The following THRB variants were observed in gnomAD, a reference collection of about 807,000 sequenced individuals.
The protein encoded by THRB is thyroid hormone receptor beta, also known as nuclear receptor subfamily 1 group A member 2.
THRB carries 12 observed loss-of-function variants against 47.8 expected under a neutral mutation model. The ratio of observed to expected loss-of-function variants is 0.25; its 90% CI spans 0.16 to 0.41. The LOEUF (loss-of-function observed/expected upper bound fraction) is 0.41. Among genes scored for constraint, THRB ranks in the 10% least tolerant of loss-of-function variants. The pLI is 1.00. For missense variants in THRB, 348 were observed against 589.2 expected (o/e 0.59, Z 4.24); for synonymous variants, 218 against 212.2 (o/e 1.03, Z -0.24).
intron 5 of THRB, among the ~76,000 whole-genome samples, chr3:24,173,140 C>CGGG (rs781091868): frequency 6.6e-6 from 1 of 152,116 alleles, no homozygotes. Context: ...ATCGTAAACT[C>CGGG]TGGGGGGTGG....
At chr3:24,146,896 C>T in intron 6 of THRB, 74 bp from the exon 7 acceptor site, 1 of 1,407,556 alleles carries the variant, frequency 7.1e-7, no homozygotes, top group South Asian at 1.2e-5. Flanking sequence ...ATTTTGTGTC[C>T]ATATAACTAT....
chr3:24,192,543 C>T (rs1248849895), intron 4 of THRB, among the ~76,000 whole-genome samples: 1 of 152,112 alleles, frequency 6.6e-6, no homozygotes, highest in East Asian at 1.9e-4. Flanking sequence ...CTTGACCCCA[C>T]AGAAATTAAG....
At chr3:24,433,386 T>C (rs183542011) in intron 1 of THRB, among the ~76,000 whole-genome samples, 1 of 152,216 alleles carries the variant, frequency 6.6e-6, no homozygotes, top group Non-Finnish European at 1.5e-5. Context: ...GATTATGTGA[T>C]GATGGAAGCA....
At chr3:24,229,118 A>C in intron 3 of THRB, 117 bp from the exon 4 acceptor site, 2 of 694,974 alleles carry the variant, frequency 2.9e-6, no homozygotes, top group Non-Finnish European at 5.2e-6. Context: ...GTTACTCTCA[A>C]CTCAGAACTG....
In THRB at chr3:24,423,034, C is replaced by T. The variant is rs543843007; in HGVS notation, c.-261+71618G>A. ...GGCTGACTAACCTAAAACCACCAAGCTGTGAGAAAGCCAAAACTAGCTACG... is the reference window on the plus strand; with the variant it reads ...GGCTGACTAACCTAAAACCACCAAGTTGTGAGAAAGCCAAAACTAGCTACG... On this transcript the variant is annotated intron_variant, in intron 1 of 10. Coordinates refer to ENST00000646209, the MANE Select transcript of THRB (RefSeq NM_001354712.2). Among the ~76,000 whole-genome samples, 19 of 151,960 alleles carry T rather than the reference C, an allele frequency of 1.3e-4. No homozygotes were observed. The South Asian group carries it at 3.7e-3, about 30-fold the overall frequency.
intron 4 of THRB, among the ~76,000 whole-genome samples, chr3:24,198,509 A>G (rs971272611): frequency 1.6e-5 from 2 of 125,136 alleles, no homozygotes; most frequent in African/African-American, 6.2e-5. Flanking sequence ...CAAATCCACA[A>G]TTCTCAACTG....
intron 1 of THRB, among the ~76,000 whole-genome samples, chr3:24,365,648 G>GA (rs2064406236): frequency 6.6e-6 from 1 of 152,094 alleles, no homozygotes; most frequent in South Asian, 2.1e-4. Flanking sequence ...TTATCAGCTG[G>GA]AAAAAATTAA....
intron 1 of THRB, among the ~76,000 whole-genome samples, chr3:24,482,013 CAG>C (rs1696510917): frequency 6.6e-6 from 1 of 151,778 alleles, no homozygotes; most frequent in African/African-American, 2.4e-5. Flanking sequence ...ATCTATAAAA[CAG>C]AGATTGTTAT....
chr3:24,454,445 C>T (rs62228827), intron 1 of THRB, among the ~76,000 whole-genome samples: 6,499 of 152,218 alleles, frequency 0.043, 181 homozygotes, highest in South Asian at 0.06. Flanking sequence ...GTGGTGATAG[C>T]TGCAAACTGA....
intron 5 of THRB, among the ~76,000 whole-genome samples, chr3:24,166,136 G>GTTTTTT: frequency 6.6e-6 from 1 of 152,198 alleles, no homozygotes; most frequent in Non-Finnish European, 1.5e-5. Flanking sequence ...ATGTCTGCAA[G>GTTTTTT]TGAGTTTTAT....
intron 4 of THRB, among the ~76,000 whole-genome samples, chr3:24,218,266 TCAAAAAAAAACAAAAAA>T (rs2046791243): frequency 7.0e-6 from 1 of 143,370 alleles, no homozygotes; most frequent in African/African-American, 2.7e-5. Flanking sequence ...AGACTCTGTC[TCAAAAAAAAACAAAAAA>T]CAAAAAAAAA....
chr3:24,468,622 G>A (rs186725423), intron 1 of THRB, among the ~76,000 whole-genome samples: 19 of 152,334 alleles, frequency 1.2e-4, no homozygotes, highest in African/African-American at 4.6e-4. Context: ...CACTGAGTCA[G>A]TGCAGCAGTT....
At chr3:24,210,663 C>G (rs906951280) in intron 4 of THRB, among the ~76,000 whole-genome samples, 1 of 152,198 alleles carries the variant, frequency 6.6e-6, no homozygotes, top group African/African-American at 2.4e-5. Flanking sequence ...CATCCTCTGA[C>G]GCTGGGCTAC....
chr3:24,165,466 T>TA (rs2039521536), intron 5 of THRB: 9 of 632,158 alleles, frequency 1.4e-5, no homozygotes, highest in Non-Finnish European at 2.3e-5. Flanking sequence ...CATACATACA[T>TA]ACACATGAAA....
intron 10 of THRB, among the ~76,000 whole-genome samples, chr3:24,124,269 A>G (rs987929365): frequency 3.3e-5 from 5 of 152,198 alleles, no homozygotes; most frequent in Admixed American, 2.0e-4. Context: ...ATTTAGCACA[A>G]ATGGCAATTC....
intron 3 of THRB, among the ~76,000 whole-genome samples, chr3:24,263,182 C>T (rs758609356): frequency 4.6e-5 from 7 of 152,168 alleles, no homozygotes; most frequent in African/African-American, 9.7e-5. Context: ...TTCTTCCAAT[C>T]CCACCTTGCC....
At chr3:24,218,531 A>C (rs1422463948) in intron 4 of THRB, among the ~76,000 whole-genome samples, 1 of 150,926 alleles carries the variant, frequency 6.6e-6, no homozygotes, top group Non-Finnish European at 1.5e-5. Flanking sequence ...AAGTACAAAC[A>C]CTCATTTACA....
chr3:24,294,071 G>A (rs2056218446), intron 3 of THRB, among the ~76,000 whole-genome samples: 1 of 152,194 alleles, frequency 6.6e-6, no homozygotes, highest in Non-Finnish European at 1.5e-5. Flanking sequence ...TCAACAGAGT[G>A]CATAAGTGAC....
chr3:24,180,115 CAGTTTTGACCTTT>C (rs67063014), intron 5 of THRB, among the ~76,000 whole-genome samples: 152,021 of 152,040 alleles, frequency 1, 76,001 homozygotes, highest in Middle Eastern at 1. Flanking sequence ...TTTACTTACA[CAGTTTTGACCTTT>C]AGTTTTGACC....
Sources: allele counts gnomAD v4.1 joint callset (sites outside exome capture counted in the v4.1 genomes callset), GRCh38; gene constraint gnomAD v4.1.1; transcripts MANE v1.5; gene names NCBI Gene and HGNC (gene_info 2026-07-23, HGNC 2026-07-21).